NHS: variants seen among roughly 807,000 people sequenced by gnomAD.
The protein encoded by NHS is NHS actin remodeling regulator, also known as actin remodeling regulator NHS.
Under a neutral mutation model 72.5 loss-of-function variants are expected in NHS, and 5 were observed. The observed-to-expected ratio is 0.07, with a 90% CI of 0.04 to 0.14. The LOEUF (loss-of-function observed/expected upper bound fraction) is 0.14. Among genes scored for constraint, NHS ranks in the 10% least tolerant of loss-of-function variants. NHS has a pLI of 1.00. For synonymous variants in NHS, 464 were observed against 547.7 expected, an observed-to-expected ratio of 0.85 and a Z score of 2.13; for missense variants, 1,072 against 1,355.7, an observed-to-expected ratio of 0.79 and a Z score of 3.29.
chrX:17,677,487 C>G (rs2066089657), intron 1 of NHS, among the ~76,000 whole-genome samples: 1 of 110,966 alleles, frequency 9.0e-6, no homozygotes, highest in Non-Finnish European at 1.9e-5. Flanking sequence ...TGCTCCCCAT[C>G]CTTTGATTAG....
intron 1 of NHS, among the ~76,000 whole-genome samples, chrX:17,470,309 G>A (rs781483352): frequency 1.4e-4 from 16 of 110,791 alleles, no homozygotes; most frequent in Non-Finnish European, 2.5e-4. Flanking sequence ...CGCACTGCCC[G>A]TTTCACAATC....
Position 17,386,951 on chromosome X carries a change from A to G in NHS, c.565+10629A>G, listed in dbSNP as rs770124840. Among the ~76,000 whole-genome samples, 12 of 112,067 alleles carry G rather than the reference A, an allele frequency of 1.1e-4. No individual in the cohort carries two copies. In the South Asian group the frequency reaches 2.2e-3, roughly 21 times the overall value. On this transcript the variant is annotated intron_variant, in intron 1 of 8. Coordinates refer to ENST00000676302, the MANE Select transcript of NHS (RefSeq NM_001291867.2). ...GGTGATGGTTTAAAATCTTGATTCAATGTGTCAGCTACTGCTCACAGTATT... is the reference window on the plus strand; with the variant it reads ...GGTGATGGTTTAAAATCTTGATTCAGTGTGTCAGCTACTGCTCACAGTATT...
At chrX:17,690,101 G>A (rs990157217) in intron 2 of NHS, among the ~76,000 whole-genome samples, 5 of 111,736 alleles carry the variant, frequency 4.5e-5, no homozygotes, top group Non-Finnish European at 3.8e-5. Flanking sequence ...CTTGTTTTGC[G>A]GTTGGCTCAA....
At position 17,684,245 on chromosome X, in the gene NHS, A is replaced by C. The variant is rs141767789; in HGVS notation, c.566-3497A>C. Among the ~76,000 whole-genome samples the C allele has an allele frequency of 5.3e-5, 6 of 112,476 alleles. No individual in the cohort carries two copies. The East Asian group carries it at 1.7e-3, about 31-fold the overall frequency. On this transcript the variant is annotated intron_variant, in intron 1 of 8. Transcript: ENST00000676302. ...GTATGTCTTTATTAGCAGCATGAGA[A>C]TGGACAGACTAATACAATTAGTTTT... is the stretch of plus-strand genomic sequence containing the variant.
At chrX:17,417,877 C>A (rs1483187808) in intron 1 of NHS, among the ~76,000 whole-genome samples, 1 of 111,877 alleles carries the variant, frequency 8.9e-6, no homozygotes, top group Non-Finnish European at 1.9e-5. Flanking sequence ...TTTTGTGTGT[C>A]AATGTTGTAC....
intron 1 of NHS, among the ~76,000 whole-genome samples, chrX:17,418,295 T>C (rs1451876635): frequency 8.9e-6 from 1 of 111,892 alleles, no homozygotes; most frequent in Non-Finnish European, 1.9e-5. Context: ...AACTCATTCA[T>C]TCTCTGAATG....
intron 5 of NHS, among the ~76,000 whole-genome samples, chrX:17,722,744 AGCTGCCAAAATGGATCAT>A (rs1366853887): frequency 2.7e-5 from 3 of 111,167 alleles, no homozygotes; most frequent in African/African-American, 9.8e-5. Flanking sequence ...AGGGGAGTTC[AGCTGCCAAAATGGATCAT>A]TTTGGCACCC....
Position 17,728,190 on chromosome X carries a change from G to C in NHS, c.4084G>C (p.Glu1362Gln). ...KVPGTISYES[E>Q]ITSVNSFPEK... is the part of the protein sequence containing the mutation. ...GCCTGGTACTATCAGCTATGAATCG[G>C]AGATAACATCTGTAAATTCATTCCC... Residue 1362 changes from glutamate to glutamine, a missense_variant, in exon 7 of 9, where the codon GAG (glutamate) becomes CAG (glutamine). Glu to Gln is a conservative substitution (Grantham distance 29, BLOSUM62 2). Coordinates refer to ENST00000676302, the MANE Select transcript of NHS (RefSeq NM_001291867.2). 1 of 1,211,376 alleles carries C rather than the reference G, an allele frequency of 8.3e-7. No homozygotes were observed. The highest frequency in any genetic ancestry group is 1.8e-5 in the South Asian group (1 of 56,939).
chrX:17,574,897 A>G (rs1300860052), intron 1 of NHS, among the ~76,000 whole-genome samples: 1 of 112,115 alleles, frequency 8.9e-6, no homozygotes, highest in Non-Finnish European at 1.9e-5. Flanking sequence ...TTACCATTAT[A>G]GATGGGGAAA....
chrX:17,618,526 A>G (rs1281822482), intron 1 of NHS, among the ~76,000 whole-genome samples: 1 of 112,309 alleles, frequency 8.9e-6, no homozygotes, highest in Non-Finnish European at 1.9e-5. Flanking sequence ...GGTTTTTTCA[A>G]TGGGTAAGAA....
At chrX:17,661,571 G>A (rs760135450) in intron 1 of NHS, among the ~76,000 whole-genome samples, 5 of 111,928 alleles carry the variant, frequency 4.5e-5, no homozygotes, top group African/African-American at 1.6e-4. Context: ...TGCCTCAGGA[G>A]GTAGAGCTGC....
intron 1 of NHS, among the ~76,000 whole-genome samples, chrX:17,659,130 G>A (rs936762535): frequency 2.7e-5 from 3 of 112,071 alleles, no homozygotes; most frequent in African/African-American, 6.5e-5. Context: ...GATTATCCTG[G>A]AAGCAGCACC....
chrX:17,543,568 C>A (rs2065275451), intron 1 of NHS, among the ~76,000 whole-genome samples: 1 of 112,338 alleles, frequency 8.9e-6, no homozygotes, highest in African/African-American at 3.2e-5. Flanking sequence ...GCATTGTCTG[C>A]TTCTCTTGTA....
chrX:17,650,023 GA>G (rs1041711828), intron 1 of NHS, among the ~76,000 whole-genome samples: 3 of 111,868 alleles, frequency 2.7e-5, no homozygotes, highest in African/African-American at 9.8e-5. Flanking sequence ...AGACAAAATT[GA>G]GTTTTCATAA....
chrX:17,682,568 G>C (rs1314499275), intron 1 of NHS, among the ~76,000 whole-genome samples: 3 of 111,444 alleles, frequency 2.7e-5, no homozygotes, highest in Non-Finnish European at 5.6e-5. Context: ...CTCCCTTGAA[G>C]GGGTACAAAT....
chrX:17,540,303 C>T (rs1020342874), intron 1 of NHS, among the ~76,000 whole-genome samples: 9 of 111,789 alleles, frequency 8.1e-5, no homozygotes, highest in Non-Finnish European at 1.3e-4. Context: ...AGCATTATGC[C>T]TTTACATTCA....
chrX:17,687,111 A>G (rs922915811), intron 1 of NHS: 2 of 117,962 alleles, frequency 1.7e-5, no homozygotes, highest in African/African-American at 6.5e-5. Flanking sequence ...CATTACCTCT[A>G]TGATGGTTTC....
At chrX:17,400,066 A>T (rs886828187) in intron 1 of NHS, among the ~76,000 whole-genome samples, 3 of 111,916 alleles carry the variant, frequency 2.7e-5, no homozygotes, top group African/African-American at 9.8e-5. Flanking sequence ...GATTCTAGCC[A>T]GAGCAATTGG....
At chrX:17,543,743 C>G (rs1206551121) in intron 1 of NHS, among the ~76,000 whole-genome samples, 2 of 111,568 alleles carry the variant, frequency 1.8e-5, no homozygotes, top group Non-Finnish European at 3.8e-5. Flanking sequence ...TGTCAATTTC[C>G]CCTAACATCT....
Sources: allele counts gnomAD v4.1 joint callset (sites outside exome capture counted in the v4.1 genomes callset), GRCh38; gene constraint gnomAD v4.1.1; transcripts MANE v1.5; gene names NCBI Gene and HGNC (gene_info 2026-07-23, HGNC 2026-07-21).